GRIA3: variants seen among roughly 807,000 people sequenced by gnomAD.
GRIA3 encodes glutamate receptor 3.
Under a neutral mutation model 63.0 loss-of-function variants are expected in GRIA3, and 3 were observed. The observed-to-expected ratio is 0.05, with a 90% CI of 0.02 to 0.12. The LOEUF (loss-of-function observed/expected upper bound fraction) is 0.12, where lower values mean the gene tolerates loss of function less well. Ranked by LOEUF, GRIA3 falls within the 10% of genes least tolerant of loss-of-function variation. GRIA3 has a pLI of 1.00. For missense variants in GRIA3, 347 were observed against 700.9 expected (o/e 0.50, Z 5.70); for synonymous variants, 274 against 257.9 (o/e 1.06, Z -0.60).
intron 5 of GRIA3, among the ~76,000 whole-genome samples, chrX:123,388,928 T>C (rs748854876): frequency 8.9e-6 from 1 of 112,276 alleles, no homozygotes; most frequent in African/African-American, 3.2e-5. Flanking sequence ...TCAATTTCAT[T>C]TGTGTCAAGA....
intron 4 of GRIA3, among the ~76,000 whole-genome samples, chrX:123,345,321 C>G (rs1053987565): frequency 9.1e-5 from 10 of 110,345 alleles, no homozygotes; most frequent in African/African-American, 3.3e-4. Context: ...TCTCACCTCT[C>G]TCACTGCCCA....
chrX:123,312,785 ATCTT>A (rs780474134), intron 3 of GRIA3, among the ~76,000 whole-genome samples: 16 of 112,270 alleles, frequency 1.4e-4, no homozygotes, highest in Non-Finnish European at 2.4e-4. Flanking sequence ...ATCAAAATGA[ATCTT>A]TATTCAGAAA....
At chrX:123,331,018 T>C (rs754909511) in intron 4 of GRIA3, among the ~76,000 whole-genome samples, 3 of 112,046 alleles carry the variant, frequency 2.7e-5, no homozygotes, top group Admixed American at 9.5e-5. Context: ...TAAAAGGCTG[T>C]CCCCTTAAAA....
intron 3 of GRIA3, among the ~76,000 whole-genome samples, chrX:123,286,885 A>G (rs1030587205): frequency 2.7e-5 from 3 of 112,009 alleles, no homozygotes; most frequent in Non-Finnish European, 5.6e-5. Flanking sequence ...AACTACAGAA[A>G]AAGAGGGACA....
chrX:123,230,847 T>C (rs950834532), intron 2 of GRIA3, among the ~76,000 whole-genome samples: 2 of 111,722 alleles, frequency 1.8e-5, no homozygotes, highest in South Asian at 7.4e-4. Context: ...ACAAAGGAAA[T>C]AAAACAGCAG....
chrX:123,464,532 G>T (rs1349269042), intron 12 of GRIA3, among the ~76,000 whole-genome samples: 1 of 111,334 alleles, frequency 9.0e-6, no homozygotes, highest in Non-Finnish European at 1.9e-5. Flanking sequence ...TTCATTGAGA[G>T]GAAGGTTGAA....
At chrX:123,396,541 T>G (rs750280772) in intron 6 of GRIA3, among the ~76,000 whole-genome samples, 1 of 111,403 alleles carries the variant, frequency 9.0e-6, no homozygotes, top group South Asian at 3.8e-4. Context: ...TAATTTGCTT[T>G]AGTAAATATG....
At chrX:123,387,675 C>T (rs779998636) in intron 5 of GRIA3, among the ~76,000 whole-genome samples, 19 of 111,888 alleles carry the variant, frequency 1.7e-4, no homozygotes, top group Admixed American at 6.6e-4. Context: ...GATTTTTCTG[C>T]GTCTATTGAG....
intron 12 of GRIA3, among the ~76,000 whole-genome samples, chrX:123,456,141 G>T (rs2045759944): frequency 9.0e-6 from 1 of 110,690 alleles, no homozygotes; most frequent in South Asian, 3.9e-4. Context: ...TATAAAATGG[G>T]AATTCATTCT....
intron 12 of GRIA3, among the ~76,000 whole-genome samples, chrX:123,445,006 G>A (rs755368897): frequency 9.0e-6 from 1 of 111,505 alleles, no homozygotes; most frequent in South Asian, 3.8e-4. Context: ...AGCCCAGAGG[G>A]CAGATTGCCC....
chrX:123,475,074 T>TCA lies in GRIA3; in HGVS notation c.2325-4988_2325-4987dup, dbSNP rs1163814588. Among the ~76,000 whole-genome samples the TCA allele has an allele frequency of 5.3e-5, 6 of 112,420 alleles. No individual in the cohort carries two copies. The Admixed American group carries it at 5.6e-4, about 11-fold the overall frequency. ...GTAATTCCATGACTGTTCCCCACACTCAGGAATCATCACTGAGACACAATT... is the reference window on the plus strand; with the variant it reads ...GTAATTCCATGACTGTTCCCCACACTCACAGGAATCATCACTGAGACACAATT... On this transcript the variant is annotated intron_variant, in intron 13 of 15. Coordinates refer to ENST00000620443, the MANE Select transcript of GRIA3 (RefSeq NM_007325.5).
chrX:123,278,542 C>G (rs1174489637), intron 3 of GRIA3, among the ~76,000 whole-genome samples: 1 of 112,068 alleles, frequency 8.9e-6, no homozygotes, highest in Non-Finnish European at 1.9e-5. Context: ...TCTTCCAGTA[C>G]TTTTATAGTT....
chrX:123,316,217 A>G (rs1487965838), intron 3 of GRIA3, among the ~76,000 whole-genome samples: 1 of 111,769 alleles, frequency 8.9e-6, no homozygotes, highest in African/African-American at 3.3e-5. Context: ...TAATAAAGAC[A>G]TTAACATCAC....
At chrX:123,192,335 A>G (rs1927459217) in intron 2 of GRIA3, among the ~76,000 whole-genome samples, 1 of 111,579 alleles carries the variant, frequency 9.0e-6, no homozygotes, top group Non-Finnish European at 1.9e-5. Flanking sequence ...ATAGGAGAGG[A>G]TAAGGGTGGG....
chrX:123,435,183 T>C (rs185276834), intron 12 of GRIA3, among the ~76,000 whole-genome samples: 3 of 112,159 alleles, frequency 2.7e-5, no homozygotes, highest in Non-Finnish European at 3.8e-5. Flanking sequence ...CTTCCCAGCA[T>C]GGGCCAATCT....
At chrX:123,366,263 C>T (rs1006953206) in intron 5 of GRIA3, among the ~76,000 whole-genome samples, 1 of 111,403 alleles carries the variant, frequency 9.0e-6, no homozygotes, top group Admixed American at 9.5e-5. Context: ...TTTTACCCAG[C>T]CCCTACTCAT....
At chrX:123,289,420 T>TAA (rs111359323) in intron 3 of GRIA3, among the ~76,000 whole-genome samples, 9 of 99,046 alleles carry the variant, frequency 9.1e-5, no homozygotes, top group East Asian at 3.7e-4. Flanking sequence ...AAGTATAATT[T>TAA]AAAAAAAATA....
intron 5 of GRIA3, among the ~76,000 whole-genome samples, chrX:123,386,594 T>C (rs1296695394): frequency 8.9e-6 from 1 of 111,846 alleles, no homozygotes; most frequent in East Asian, 2.8e-4. Flanking sequence ...GTTTCGAGTC[T>C]TATGTTTAGG....
At chrX:123,419,402 T>G (rs1603144971) in intron 11 of GRIA3, among the ~76,000 whole-genome samples, 1 of 74,472 alleles carries the variant, frequency 1.3e-5, no homozygotes, top group Non-Finnish European at 2.7e-5. Flanking sequence ...AGAGCAAAAC[T>G]CAGTCTCAAA....
Sources: allele counts gnomAD v4.1 joint callset (sites outside exome capture counted in the v4.1 genomes callset), GRCh38; gene constraint gnomAD v4.1.1; transcripts MANE v1.5; gene names NCBI Gene and HGNC (gene_info 2026-07-23, HGNC 2026-07-21).